Variants in SYTL5 observed in about 807,000 individuals in gnomAD.
SYTL5 encodes synaptotagmin like 5.
A neutral mutation model predicts 55.9 loss-of-function variants in SYTL5; 34 were observed. The observed-to-expected ratio is 0.61, with a 90% CI of 0.46 to 0.81. The LOEUF (loss-of-function observed/expected upper bound fraction) is 0.81, where lower values mean the gene tolerates loss of function less well. Ranked by LOEUF, SYTL5 falls within the 30% of genes least tolerant of loss-of-function variation. The probability of loss-of-function intolerance (pLI) is 0.00; values close to 1 mark genes in which losing one functional copy is unlikely to be tolerated. For missense variants in SYTL5, 637 were observed against 546.7 expected, an observed-to-expected ratio of 1.17 and a Z score of -1.65; for synonymous variants, 221 against 188.7, an observed-to-expected ratio of 1.17 and a Z score of -1.40.
intron 2 of SYTL5, among the ~76,000 whole-genome samples, chrX:38,050,815 C>T (rs1437724822): frequency 8.9e-6 from 1 of 111,842 alleles, no homozygotes; most frequent in East Asian, 2.8e-4. Flanking sequence ...AGGATCCAGA[C>T]TTGCAGAGCA....
At chrX:38,020,847 T>C (rs370855434) in intron 1 of SYTL5, among the ~76,000 whole-genome samples, 40 of 111,842 alleles carry the variant, frequency 3.6e-4, no homozygotes, top group African/African-American at 1.3e-3. Flanking sequence ...ATTCAAATGA[T>C]ATATTCTTCA....
intron 9 of SYTL5, among the ~76,000 whole-genome samples, chrX:38,098,474 G>T (rs2147560231): frequency 9.0e-6 from 1 of 110,760 alleles, no homozygotes; most frequent in African/African-American, 3.3e-5. Flanking sequence ...TCAGAGAAAT[G>T]AAAATTAAAA....
chrX:38,068,988 T>G (rs981382402), intron 3 of SYTL5, among the ~76,000 whole-genome samples: 2 of 111,809 alleles, frequency 1.8e-5, no homozygotes, highest in Non-Finnish European at 3.8e-5. Context: ...ACTTTTCACA[T>G]GTCATTAAGT....
intron 2 of SYTL5, 21 bp downstream of exon 2, chrX:38,034,029 T>C (rs1935035433): frequency 3.1e-6 from 3 of 975,328 alleles, no homozygotes; most frequent in Non-Finnish European, 4.3e-6. Context: ...TTTTATTTTT[T>C]CAGTCCTCCT....
intron 5 of SYTL5, among the ~76,000 whole-genome samples, chrX:38,075,447 A>G (rs941702758): frequency 9.0e-6 from 1 of 111,669 alleles, no homozygotes; most frequent in Non-Finnish European, 1.9e-5. Flanking sequence ...CAGGTGGACA[A>G]TAAGTGCCAG....
At position 38,126,240 on chromosome X, in the gene SYTL5, A is replaced by T. The variant is rs1013134594; in HGVS notation, c.2051-348A>T. 2.7e-5 allele frequency among the ~76,000 whole-genome samples: 3 copies of T among 111,815 alleles called. No homozygotes were observed. In the Admixed American group the frequency reaches 2.8e-4, roughly 11 times the overall value. On this transcript the variant is annotated intron_variant, in intron 16 of 16. Transcript: ENST00000297875. ...AAAATATCTATACCACTAAAAGGAA[A>T]ACTCCCCAGGTCAGAAAAGTGCCCT...
At chrX:37,918,173 A>G in the SYTL5 span, among the ~76,000 whole-genome samples, 1 of 111,905 alleles carries the variant, frequency 8.9e-6, no homozygotes, top group Non-Finnish European at 1.9e-5. Flanking sequence ...GATAATATCT[A>G]TATGTCCCTT....
At chrX:38,031,424 C>T (rs1309258029) in intron 1 of SYTL5, among the ~76,000 whole-genome samples, 1 of 111,744 alleles carries the variant, frequency 8.9e-6, no homozygotes, top group Admixed American at 9.5e-5. Context: ...ACTTCCCTCC[C>T]TTCATCCTCC....
At chrX:37,899,592 C>A in the SYTL5 span, among the ~76,000 whole-genome samples, 2 of 111,699 alleles carry the variant, frequency 1.8e-5, no homozygotes, top group Admixed American at 1.9e-4. Context: ...ACTCCAGTCA[C>A]CATTTATTTG....
At chrX:38,059,268 C>T (rs5918466) in intron 3 of SYTL5, among the ~76,000 whole-genome samples, 30,947 of 110,786 alleles carry the variant, frequency 0.28, 3,640 homozygotes, top group African/African-American at 0.42. Context: ...TACGGGACTA[C>T]TTCTATTGTT....
At chrX:37,908,135 A>G in the SYTL5 span, among the ~76,000 whole-genome samples, 1 of 100,519 alleles carries the variant, frequency 9.9e-6, no homozygotes, top group Non-Finnish European at 2.0e-5. Context: ...AAAAAAAAAA[A>G]CAAAGAAAAT....
the SYTL5 span, among the ~76,000 whole-genome samples, chrX:37,893,627 CTA>C: frequency 2.1e-3 from 133 of 62,038 alleles, 2 homozygotes; most frequent in African/African-American, 0.016. Flanking sequence ...TATATATAAT[CTA>C]TATATATAAT....
At chrX:38,107,520 G>A (rs1237884371) in intron 11 of SYTL5, among the ~76,000 whole-genome samples, 11 of 111,692 alleles carry the variant, frequency 9.8e-5, no homozygotes, top group Admixed American at 3.8e-4. Context: ...AAAAGAACCC[G>A]TTCAGCATAA....
chrX:37,934,503 AG>A, the SYTL5 span, among the ~76,000 whole-genome samples: 1 of 108,785 alleles, frequency 9.2e-6, no homozygotes, highest in African/African-American at 3.4e-5. Flanking sequence ...ATCTAATCTG[AG>A]GAGCAGAAAA....
the SYTL5 span, among the ~76,000 whole-genome samples, chrX:37,982,634 G>A: frequency 9.0e-6 from 1 of 111,561 alleles, no homozygotes; most frequent in Non-Finnish European, 1.9e-5. Context: ...GTAGTATATA[G>A]AAATGTAATC....
chrX:38,101,420 TA>T (rs963136850), intron 9 of SYTL5, among the ~76,000 whole-genome samples: 8 of 111,211 alleles, frequency 7.2e-5, no homozygotes, highest in Non-Finnish European at 1.3e-4. Flanking sequence ...AAACTATAGT[TA>T]AAAAAATTCC....
At chrX:38,027,340 G>C (rs754803221) in intron 1 of SYTL5, among the ~76,000 whole-genome samples, 6 of 112,055 alleles carry the variant, frequency 5.4e-5, no homozygotes, top group Non-Finnish European at 1.1e-4. Context: ...AGCTGATATG[G>C]AGTCACTAGC....
intron 2 of SYTL5, among the ~76,000 whole-genome samples, chrX:38,039,254 T>G (rs866510443): frequency 1.5e-4 from 17 of 112,457 alleles, no homozygotes; most frequent in Non-Finnish European, 3.2e-4. Flanking sequence ...GGTAAGAATA[T>G]TTTTAAGGTT....
intron 11 of SYTL5, 110 bp downstream of exon 11, chrX:38,106,881 G>A (rs993956276): frequency 7.8e-6 from 5 of 637,984 alleles, no homozygotes; most frequent in African/African-American, 4.6e-5. Context: ...AGTCTTCTCA[G>A]AGAGTTGATT....
Sources: allele counts gnomAD v4.1 joint callset (sites outside exome capture counted in the v4.1 genomes callset), GRCh38; gene constraint gnomAD v4.1.1; transcripts MANE v1.5; gene names NCBI Gene and HGNC (gene_info 2026-07-23, HGNC 2026-07-21).